ZNF609: variants seen among roughly 807,000 people sequenced by gnomAD.
The protein encoded by ZNF609 is zinc finger protein 609.
A neutral mutation model predicts 109.5 loss-of-function variants in ZNF609; 11 were observed. That is an observed-to-expected ratio of 0.10 (90% CI 0.06 to 0.17). The LOEUF is 0.17. Ranked by LOEUF, ZNF609 falls within the 10% of genes least tolerant of loss-of-function variation. ZNF609 has a pLI of 1.00. For synonymous variants in ZNF609, 646 were observed against 662.0 expected (o/e 0.98, Z 0.37); for missense variants, 1,559 against 1,772.4 (o/e 0.88, Z 2.16).
chr15:64,645,457 A>G (rs1041198432), intron 3 of ZNF609, among the ~76,000 whole-genome samples: 1 of 151,794 alleles, frequency 6.6e-6, no homozygotes, highest in Non-Finnish European at 1.5e-5. Context: ...AATTTTTGAA[A>G]TTATTTTATT....
At chr15:64,659,601 A>G (rs1457117716) in intron 3 of ZNF609, among the ~76,000 whole-genome samples, 7 of 152,186 alleles carry the variant, frequency 4.6e-5, no homozygotes, top group African/African-American at 1.7e-4. Flanking sequence ...AACTCAGCAG[A>G]GTAGTTTGGT....
chr15:64,625,414 G>A (rs1895936874), intron 3 of ZNF609, among the ~76,000 whole-genome samples: 1 of 152,120 alleles, frequency 6.6e-6, no homozygotes, highest in African/African-American at 2.4e-5. Flanking sequence ...CAGCTACTTG[G>A]GAGGCTGAGG....
intron 2 of ZNF609, among the ~76,000 whole-genome samples, chr15:64,605,357 A>G (rs956299167): frequency 6.6e-6 from 1 of 152,190 alleles, no homozygotes; most frequent in Non-Finnish European, 1.5e-5. Flanking sequence ...CCCCTGCTAG[A>G]AGAAGGGAGG....
chr15:64,598,742 G>GTGTA (rs1477685716), intron 2 of ZNF609, among the ~76,000 whole-genome samples: 106 of 60,244 alleles, frequency 1.8e-3, no homozygotes, highest in Non-Finnish European at 2.7e-3. Flanking sequence ...CTTTGTGTGT[G>GTGTA]TATATATATA....
intron 3 of ZNF609, among the ~76,000 whole-genome samples, chr15:64,635,859 GCT>G (rs950953344): frequency 1.6e-4 from 14 of 85,142 alleles, no homozygotes; most frequent in Non-Finnish European, 2.2e-4. Flanking sequence ...TCTTTAACTC[GCT>G]CTCTCTCTCT....
At chr15:64,557,632 A>G (rs892917841) in intron 2 of ZNF609, among the ~76,000 whole-genome samples, 12 of 152,274 alleles carry the variant, frequency 7.9e-5, no homozygotes, top group African/African-American at 2.9e-4. Flanking sequence ...TGATCAGGGT[A>G]GTGTCATGAA....
intron 2 of ZNF609, among the ~76,000 whole-genome samples, chr15:64,616,019 G>T (rs1895793334): frequency 6.6e-6 from 1 of 152,100 alleles, no homozygotes; most frequent in South Asian, 2.1e-4. Flanking sequence ...TCTCTTCAAT[G>T]AATTTCTTTT....
intron 2 of ZNF609, among the ~76,000 whole-genome samples, chr15:64,566,365 G>A (rs1894777690): frequency 6.6e-6 from 1 of 152,200 alleles, no homozygotes; most frequent in Non-Finnish European, 1.5e-5. Flanking sequence ...TGAGCCTCCT[G>A]AGAAGCCATG....
chr15:64,646,721 T>G (rs1444243141), intron 3 of ZNF609, among the ~76,000 whole-genome samples: 1 of 147,072 alleles, frequency 6.8e-6, no homozygotes, highest in East Asian at 2.0e-4. Context: ...GGCGGATCAC[T>G]TGAGGTCAGG....
chr15:64,477,623 C>CTTTTTTTTT (rs528565686), intron 1 of ZNF609, among the ~76,000 whole-genome samples: 1 of 142,650 alleles, frequency 7.0e-6, no homozygotes. Context: ...GTCTTATTTC[C>CTTTTTTTTT]TTTTTTTTTT....
intron 2 of ZNF609, among the ~76,000 whole-genome samples, chr15:64,561,892 G>A (rs1334405168): frequency 6.6e-6 from 1 of 152,162 alleles, no homozygotes; most frequent in Non-Finnish European, 1.5e-5. Flanking sequence ...ATTTTTCAAA[G>A]CGGGCTTAGT....
At chr15:64,638,137 A>G (rs1179933871) in intron 3 of ZNF609, among the ~76,000 whole-genome samples, 1 of 151,148 alleles carries the variant, frequency 6.6e-6, no homozygotes, top group Non-Finnish European at 1.5e-5. Flanking sequence ...ATGGATATCT[A>G]ATTGGCCCAG....
At chr15:64,600,460 AAAAAAAGAAAAAAAAAAAC>A (rs1895477737) in intron 2 of ZNF609, among the ~76,000 whole-genome samples, 2 of 146,660 alleles carry the variant, frequency 1.4e-5, no homozygotes, top group Non-Finnish European at 3.0e-5. Flanking sequence ...AAAAAAAAAA[AAAAAAAGAAAAAAAAAAAC>A]AGAAAAATTA....
At chr15:64,603,141 A>G (rs1595735012) in intron 2 of ZNF609, among the ~76,000 whole-genome samples, 2 of 151,356 alleles carry the variant, frequency 1.3e-5, no homozygotes, top group African/African-American at 4.9e-5. Context: ...CTTTTATTCC[A>G]CCAATAATTT....
chr15:64,675,206 A>G lies in ZNF609; in HGVS notation c.2352A>G (p.Arg784=), dbSNP rs749338837. 1 of 1,614,072 alleles carries G rather than the reference A, an allele frequency of 6.2e-7. No individual in the cohort carries two copies. The highest frequency in any genetic ancestry group is 1.7e-5 in the Admixed American group (1 of 60,028). ...LNGSSDPHQS[R]LASIKAEADK... is the part of the protein sequence containing the mutation. Reference sequence around the variant, plus strand: ...GCTCATCAGACCCCCACCAAAGCCGACTGGCTAGCATCAAGGCTGAAGCCG... The same window carrying G: ...GCTCATCAGACCCCCACCAAAGCCGGCTGGCTAGCATCAAGGCTGAAGCCG... Residue 784 remains arginine (R), a synonymous_variant, in exon 5 of 10, where the codon CGA becomes CGG. Coordinates refer to ENST00000326648, the MANE Select transcript of ZNF609 (RefSeq NM_015042.2).
chr15:64,513,570 T>C (rs1287480417), intron 2 of ZNF609, among the ~76,000 whole-genome samples: 1 of 152,220 alleles, frequency 6.6e-6, no homozygotes, highest in South Asian at 2.1e-4. Context: ...CTTAGGATGA[T>C]TTCTTGAAGC....
intron 3 of ZNF609, among the ~76,000 whole-genome samples, chr15:64,654,960 G>T (rs1352130733): frequency 6.6e-6 from 1 of 151,998 alleles, no homozygotes; most frequent in African/African-American, 2.4e-5. Context: ...GCTGAGCGTG[G>T]TGATGGGCGC....
At chr15:64,677,894 C>T (rs1025147440) in intron 5 of ZNF609, among the ~76,000 whole-genome samples, 1 of 152,146 alleles carries the variant, frequency 6.6e-6, no homozygotes, top group Admixed American at 6.5e-5. Context: ...CCCCCTGCCC[C>T]ATCTTGTTCC....
At chr15:64,607,447 AAT>A (rs557587589) in intron 2 of ZNF609, among the ~76,000 whole-genome samples, 5 of 151,994 alleles carry the variant, frequency 3.3e-5, no homozygotes, top group African/African-American at 4.8e-5. Flanking sequence ...CATTGAAAAT[AAT>A]ATGTTAATAT....
Sources: allele counts gnomAD v4.1 joint callset (sites outside exome capture counted in the v4.1 genomes callset), GRCh38; gene constraint gnomAD v4.1.1; transcripts MANE v1.5; gene names NCBI Gene and HGNC (gene_info 2026-07-23, HGNC 2026-07-21).